SVIL: variants seen among roughly 807,000 people sequenced by gnomAD.
SVIL encodes archvillin.
In SVIL, 101 loss-of-function variants were observed where a neutral mutation model predicts 240.4. The observed-to-expected ratio is 0.42, with a 90% CI of 0.36 to 0.50. The LOEUF (loss-of-function observed/expected upper bound fraction) is 0.50. Ranked by LOEUF, SVIL falls within the 20% of genes least tolerant of loss-of-function variation. The pLI, the probability that SVIL is intolerant of heterozygous loss-of-function variation, is 0.01. For synonymous variants in SVIL, 999 were observed against 1,100.0 expected (o/e 0.91, Z 1.82); for missense variants, 2,512 against 2,818.7 (o/e 0.89, Z 2.46).
intron 1 of SVIL, among the ~76,000 whole-genome samples, chr10:29,590,705 G>A (rs1297448490): frequency 2.0e-5 from 3 of 152,176 alleles, no homozygotes; most frequent in Non-Finnish European, 4.4e-5. Flanking sequence ...ACACATGCTT[G>A]TGTTAAGCTT....
At chr10:29,608,682 T>A (rs138264698) in intron 1 of SVIL, among the ~76,000 whole-genome samples, 3 of 152,148 alleles carry the variant, frequency 2.0e-5, no homozygotes, top group African/African-American at 7.2e-5. Context: ...CGGGCAGTGA[T>A]GAGTGTGGGA....
rs533813622 is a variant in SVIL, at chr10:29,481,597, A to G, written c.5087T>C (p.Leu1696Pro). The G allele has an allele frequency of 7.4e-6, 12 of 1,614,122 alleles. No homozygotes were observed. In the East Asian group the frequency reaches 2.7e-4, roughly 36 times the overall value. ...KRSNEKNPGE[L>P]AQHKEDPRTD... is the part of the protein sequence containing the mutation. ...TCGCCGGAATACCTTGTGCTGGGCA[A>G]GTTCCCCGGGGTTCTTCTCATTCGA... is the stretch of plus-strand genomic sequence containing the variant. The change falls in exon 28 of 38, where the codon CTT (leucine) becomes CCT (proline). Residue 1696 changes from leucine (L) to proline (P), a missense_variant. Physicochemically the swap from Leu to Pro is moderately conservative, Grantham distance 98 (BLOSUM62 -3). Around this residue, in one of 3 missense-constraint regions of SVIL, gnomAD observed 797 missense variants for 925.3 expected, o/e 0.86. Coordinates refer to ENST00000355867, the MANE Select transcript of SVIL (RefSeq NM_021738.3).
At chr10:29,661,909 C>T (rs1393081697) in intron 2 of SVIL, among the ~76,000 whole-genome samples, 1 of 152,030 alleles carries the variant, frequency 6.6e-6, no homozygotes. Context: ...GTGATCCTTC[C>T]GTCTTTGGCC....
intron 2 of SVIL, 135 bp from the exon 3 acceptor site, chr10:29,563,427 A>G (rs565942419): frequency 7.7e-5 from 16 of 207,996 alleles, no homozygotes; most frequent in South Asian, 6.8e-4. Context: ...AAAATGTTTT[A>G]TATTGGGGAG....
chr10:29,733,302 C>G (rs1004603241), intron 1 of SVIL, among the ~76,000 whole-genome samples: 1 of 152,016 alleles, frequency 6.6e-6, no homozygotes, highest in African/African-American at 2.4e-5. Flanking sequence ...AACCAGGAGG[C>G]ACTATTATTA....
In SVIL at chr10:29,541,289, C is replaced by G. The variant is rs547331127; in HGVS notation, c.828-5220G>C. ...ACAGGATACTTACTGTGAGGCTATA[C>G]CAGTCTTTGCACATGCGGTCAAGAA... On this transcript the variant is annotated intron_variant, in intron 6 of 37. Coordinates refer to ENST00000355867, the MANE Select transcript of SVIL (RefSeq NM_021738.3). Among the ~76,000 whole-genome samples, 3 of 152,216 alleles carry G rather than the reference C, an allele frequency of 2.0e-5. No individual in the cohort carries two copies. The South Asian group carries it at 6.2e-4, about 32-fold the overall frequency.
At chr10:29,469,642 C>T (rs1201876763) in intron 32 of SVIL, among the ~76,000 whole-genome samples, 2 of 152,236 alleles carry the variant, frequency 1.3e-5, no homozygotes, top group African/African-American at 2.4e-5. Flanking sequence ...CCTTCACTGC[C>T]CTTCCGGTTC....
chr10:29,491,231 T>G (rs2281940), intron 21 of SVIL, among the ~76,000 whole-genome samples: 1 of 151,886 alleles, frequency 6.6e-6, no homozygotes, highest in East Asian at 1.9e-4. Context: ...CACACCCGGA[T>G]GCCCCCACTC....
rs117302353 is a variant in SVIL at position 29,480,385 on chromosome 10, G to C, written c.5377+152C>G. The C allele has an allele frequency of 4.6e-3, 4,301 of 927,264 alleles. 7 individuals are homozygous for C. Among genetic ancestry groups the C allele is most frequent in the Non-Finnish European group, 6.3e-3 (3,924 of 617,980 alleles). 57.4% of individuals were successfully genotyped at this position (927,264 alleles called of 1,614,324 possible). On this transcript the variant is annotated intron_variant, in intron 29 of 37. Coordinates refer to ENST00000355867, the MANE Select transcript of SVIL (RefSeq NM_021738.3). ...GGCCTTACTTCTTTTCATCTCTGTA[G>C]TTTACTAGGTGGCTCTCAAAGGCGC...
chr10:29,579,900 G>A (rs1199195103), intron 1 of SVIL, among the ~76,000 whole-genome samples: 3 of 152,064 alleles, frequency 2.0e-5, no homozygotes, highest in African/African-American at 4.8e-5. Flanking sequence ...GCGGATGCAA[G>A]GCTGAGGGTC....
intron 1 of SVIL, among the ~76,000 whole-genome samples, chr10:29,611,735 G>A (rs2505907): frequency 0.14 from 21,087 of 152,152 alleles, 1,608 homozygotes; most frequent in Middle Eastern, 0.22. Flanking sequence ...CATCTCAGAA[G>A]CGAAGCTGCT....
In SVIL at chr10:29,480,609, T is replaced by C; in HGVS notation, c.5305A>G (p.Lys1769Glu). 1 of 1,614,162 alleles carries C rather than the reference T, an allele frequency of 6.2e-7. No homozygotes were observed. The highest frequency in any genetic ancestry group is 1.1e-5 in the South Asian group (1 of 91,076). ...TCATGGAACTGCCCGATGCTTTGTT[T>C]GGGGAGCCTGCTATAGTCGAATTCC... ...ILEFDYSRLP[K>E]QSIGQFHEGD... Residue 1769 changes from lysine to glutamate, a missense_variant, in exon 29 of 38, where the codon AAA becomes GAA. By Grantham distance (56) the Lys-to-Glu change is moderately conservative (BLOSUM62 1). Around this residue, in one of 3 missense-constraint regions of SVIL, gnomAD observed 797 missense variants for 925.3 expected, o/e 0.86. Transcript: ENST00000355867.
chr10:29,519,028 G>T (rs1950397775), intron 16 of SVIL, among the ~76,000 whole-genome samples: 1 of 152,148 alleles, frequency 6.6e-6, no homozygotes, highest in South Asian at 2.1e-4. Flanking sequence ...CCTTAGTGGG[G>T]ACAGGCATTT....
chr10:29,582,432 C>T (rs1014395161), intron 1 of SVIL, among the ~76,000 whole-genome samples: 3 of 152,018 alleles, frequency 2.0e-5, no homozygotes, highest in African/African-American at 4.8e-5. Context: ...AATGATGTGA[C>T]GAATAAACAT....
At chr10:29,565,514 C>T (rs1435510846) in intron 2 of SVIL, among the ~76,000 whole-genome samples, 2 of 152,188 alleles carry the variant, frequency 1.3e-5, no homozygotes, top group African/African-American at 2.4e-5. Flanking sequence ...CTCCTGCCAT[C>T]GTGTGGCTTC....
intron 3 of SVIL, among the ~76,000 whole-genome samples, chr10:29,557,395 G>A (rs1029629273): frequency 2.0e-5 from 3 of 152,070 alleles, no homozygotes; most frequent in Non-Finnish European, 4.4e-5. Context: ...ACCGCGCCTG[G>A]CCTAACATGT....
chr10:29,664,034 T>C lies in SVIL; in HGVS notation c.-300-5966A>G, dbSNP rs16930489. Among the ~76,000 whole-genome samples the C allele has an allele frequency of 3.0e-3, 462 of 152,300 alleles. 2 individuals carry two copies. The highest frequency in any genetic ancestry group is 0.011 in the South Asian group (52 of 4,828). On this transcript the variant is annotated intron_variant, in intron 2 of 35. Transcript: ENST00000375400. ...ACGGGACACGTTCCCCATTTGATGG[T>C]CTTTATGCTGCCATTGGATGACCTT...
intron 2 of SVIL, among the ~76,000 whole-genome samples, chr10:29,664,753 T>C (rs1029803989): frequency 3.9e-5 from 6 of 152,056 alleles, no homozygotes; most frequent in Admixed American, 1.3e-4. Context: ...TATATGATGA[T>C]AAAGCATATA....
At chr10:29,704,096 C>T (rs1962720519) in intron 1 of SVIL, among the ~76,000 whole-genome samples, 1 of 152,148 alleles carries the variant, frequency 6.6e-6, no homozygotes, top group South Asian at 2.1e-4. Context: ...AGCCACTGTG[C>T]CTAGCCTCAG....
Sources: gnomAD v4.1 joint callset for allele counts (sites outside exome capture counted in the v4.1 genomes callset) on GRCh38, gnomAD v4.1.1 for gene constraint, gnomAD v4.1.1 regional missense constraint, MANE v1.5 for transcripts, NCBI Gene and HGNC (gene_info 2026-07-23, HGNC 2026-07-21) for gene names.